MAPT: variants seen among roughly 807,000 people sequenced by gnomAD.
MAPT encodes microtubule-associated protein tau.
A neutral mutation model predicts 67.9 loss-of-function variants in MAPT; 34 were observed. That is an observed-to-expected ratio of 0.50 (90% CI 0.38 to 0.67). The LOEUF is 0.67. Among genes scored for constraint, MAPT ranks in the 30% least tolerant of loss-of-function variants. The probability of loss-of-function intolerance (pLI) is 0.00; values close to 1 mark genes in which losing one functional copy is unlikely to be tolerated. For missense variants in MAPT, 881 were observed against 1,115.2 expected (o/e 0.79, Z 2.99); for synonymous variants, 456 against 464.5 (o/e 0.98, Z 0.23).
intron 1 of MAPT, among the ~76,000 whole-genome samples, chr17:45,934,241 G>A (rs2067123845): frequency 6.6e-6 from 1 of 152,166 alleles, no homozygotes; most frequent in Non-Finnish European, 1.5e-5. Context: ...TTGGGAGGCT[G>A]AGATGGGAGG....
chr17:46,021,706 G>T (rs1353070923), intron 12 of MAPT, among the ~76,000 whole-genome samples: 5 of 152,204 alleles, frequency 3.3e-5, no homozygotes, highest in Non-Finnish European at 7.3e-5. Flanking sequence ...GTTCTGGAAG[G>T]TTCCTGGTGC....
rs1176038144 is a variant in MAPT, at chr17:45,896,119, G to C, written c.-18+1433G>C. 2 of 152,086 alleles carry C rather than the reference G, an allele frequency of 1.3e-5. No individual in the cohort carries two copies. The highest frequency in any genetic ancestry group is 2.9e-5 in the Non-Finnish European group (2 of 68,066). 9.4% of individuals were successfully genotyped at this position (152,086 alleles called of 1,614,324 possible). A position where few individuals can be genotyped will look rare whatever the true frequency, so the allele number is the denominator to read the frequency against. On this transcript the variant is annotated intron_variant, in intron 1 of 12. Transcript: ENST00000262410. This position sits in a 1 kb window ranked among gnomAD's most constrained non-coding sequence, Gnocchi z 5.6. ...ATTTCCGAGCCCATTGTTGGATCTC[G>C]AGGCTTGCTGGGTTCGATGAACTCG...
At chr17:46,009,361 A>AGCCCCCCCTTGCAG (rs1598376725) in intron 9 of MAPT, among the ~76,000 whole-genome samples, 1 of 147,572 alleles carries the variant, frequency 6.8e-6, no homozygotes, top group Non-Finnish European at 1.5e-5. Flanking sequence ...TCTATTTCAT[A>AGCCCCCCCTTGCAG]GTTCTTAGGC....
At chr17:45,943,787 T>A (rs752087016) in intron 1 of MAPT, among the ~76,000 whole-genome samples, 1 of 152,186 alleles carries the variant, frequency 6.6e-6, no homozygotes, top group Non-Finnish European at 1.5e-5. Flanking sequence ...TGTCACATTG[T>A]GTGGGTTCCA....
intron 1 of MAPT, among the ~76,000 whole-genome samples, chr17:45,956,581 TA>T (rs1568230812): frequency 1.5e-3 from 39 of 25,816 alleles, no homozygotes; most frequent in African/African-American, 3.8e-3. Flanking sequence ...TATATATATA[TA>T]TATATATATA....
chr17:45,923,083 G>A (rs2065912355), intron 1 of MAPT, among the ~76,000 whole-genome samples: 1 of 152,114 alleles, frequency 6.6e-6, no homozygotes, highest in Non-Finnish European at 1.5e-5. Flanking sequence ...CTCTAAGTAG[G>A]GGCTGGTAAT....
chr17:46,013,861 T>C (rs963150612), intron 10 of MAPT, among the ~76,000 whole-genome samples: 5 of 152,230 alleles, frequency 3.3e-5, no homozygotes. Context: ...TTGTGATCTG[T>C]CAATTTCATG....
chr17:46,003,724 T>C (rs2075210470), intron 9 of MAPT, among the ~76,000 whole-genome samples: 1 of 152,146 alleles, frequency 6.6e-6, no homozygotes, highest in African/African-American at 2.4e-5. Context: ...GCAGGTGAGC[T>C]TGGGCTGAGA....
intron 3 of MAPT, chr17:45,974,170 C>T (rs555157779): frequency 1.0e-5 from 6 of 590,458 alleles, no homozygotes; most frequent in East Asian, 5.7e-5. Context: ...ATGAGCTGGG[C>T]GGTTCATGAG....
chr17:45,994,091 G>C (rs985124431), intron 8 of MAPT: 17 of 1,009,126 alleles, frequency 1.7e-5, no homozygotes, highest in Middle Eastern at 3.1e-4. Context: ...GTTCACACAG[G>C]GTTCGCAGCC....
At chr17:45,914,142 A>T (rs1440480224) in intron 1 of MAPT, among the ~76,000 whole-genome samples, 2 of 150,328 alleles carry the variant, frequency 1.3e-5, no homozygotes, top group Non-Finnish European at 3.0e-5. Context: ...TGACAGAAAA[A>T]AAAAAATTAA....
At chr17:45,987,427 C>T (rs964695458) in intron 6 of MAPT, among the ~76,000 whole-genome samples, 1 of 152,138 alleles carries the variant, frequency 6.6e-6, no homozygotes, top group Non-Finnish European at 1.5e-5. Context: ...GTTTGAAAAC[C>T]AGCCCTAGGA....
rs1177094945 is a variant in MAPT, at chr17:45,946,615, AATAT to A, written c.-17-15685_-17-15682del. 1.3e-3 allele frequency among the ~76,000 whole-genome samples: 133 copies of A among 100,390 alleles called. 13 individuals carry two copies. Among genetic ancestry groups the A allele is most frequent in the Admixed American group, 2.9e-3 (26 of 8,834 alleles). The allele number at this position is 100,390 out of a possible 152,430, so 65.9% of individuals were successfully genotyped here. On this transcript the variant is annotated intron_variant, in intron 1 of 12. Transcript: ENST00000262410. ...CTCTGTCTTAAAAAAAAAAAAAAAA[AATAT>A]ATATATATATATATATATATGTCAA...
At chr17:45,920,762 G>A (rs905044010) in intron 1 of MAPT, among the ~76,000 whole-genome samples, 2 of 152,108 alleles carry the variant, frequency 1.3e-5, no homozygotes, top group African/African-American at 2.4e-5. Flanking sequence ...ACATTTCTGA[G>A]GTCCCCGAGA....
At chr17:45,956,192 G>T (rs927400313) in intron 1 of MAPT, among the ~76,000 whole-genome samples, 1 of 152,230 alleles carries the variant, frequency 6.6e-6, no homozygotes, top group Non-Finnish European at 1.5e-5. Context: ...TCTGTGCAAA[G>T]GAATGAGCTG....
chr17:46,003,390 T>C (rs1307309041), intron 9 of MAPT, among the ~76,000 whole-genome samples: 3 of 152,132 alleles, frequency 2.0e-5, no homozygotes, highest in Non-Finnish European at 2.9e-5. Context: ...GCAACTCTCC[T>C]GCCTCAGCCT....
In MAPT at chr17:45,990,041, C is replaced by G. The variant is rs1401903524; in HGVS notation, c.1571C>G (p.Thr524Ser). Residue 524 changes from threonine to serine, a missense_variant, in exon 7 of 13, where the codon ACT (threonine) becomes AGT (serine). Thr to Ser is a moderately conservative substitution (Grantham distance 58, BLOSUM62 1). Transcript: ENST00000262410. ...TACGTCTCTTCTGTCACTTCCCGAA[C>G]TGGCAGTTCTGGAGCAAAGGAGATG... ...PKYVSSVTSR[T>S]GSSGAKEMKL... The G allele has an allele frequency of 3.7e-6, 6 of 1,614,066 alleles. No homozygotes were observed. Among genetic ancestry groups the G allele is most frequent in the Non-Finnish European group, 5.1e-6 (6 of 1,180,054 alleles).
intron 1 of MAPT, among the ~76,000 whole-genome samples, chr17:45,922,119 TCTC>T (rs2065794156): frequency 6.6e-6 from 1 of 151,882 alleles, no homozygotes; most frequent in Non-Finnish European, 1.5e-5. Flanking sequence ...TTCAAGCAAT[TCTC>T]CTTCCTCAGC....
At chr17:45,964,196 GTTTTT>G (rs373491850) in intron 2 of MAPT, among the ~76,000 whole-genome samples, 1 of 150,626 alleles carries the variant, frequency 6.6e-6, no homozygotes, top group African/African-American at 2.5e-5. Context: ...CCTTTGTTTT[GTTTTT>G]TTTTGTTTTG....
Sources: gnomAD v4.1 joint callset for allele counts (sites outside exome capture counted in the v4.1 genomes callset) on GRCh38, gnomAD v4.1.1 for gene constraint, Gnocchi (gnomAD v3.1) non-coding constraint, MANE v1.5 for transcripts, NCBI Gene and HGNC (gene_info 2026-07-23, HGNC 2026-07-21) for gene names.